CCSER2: variants seen among roughly 807,000 people sequenced by gnomAD.
CCSER2 encodes the protein serine-rich coiled-coil domain-containing protein 2.
Under a neutral mutation model 92.3 loss-of-function variants are expected in CCSER2, and 46 were observed. The ratio of observed to expected loss-of-function variants is 0.50; its 90% CI spans 0.39 to 0.64. CCSER2 has a LOEUF of 0.64. CCSER2 is among the 30% of genes least tolerant of loss of function. The pLI is 0.00. For missense variants in CCSER2, 1,244 were observed against 1,238.9 expected, an observed-to-expected ratio of 1.00 and a Z score of -0.06; for synonymous variants, 433 against 431.4, an observed-to-expected ratio of 1.00 and a Z score of -0.04.
At chr10:84,502,959 T>C (rs1848843813) in intron 9 of CCSER2, among the ~76,000 whole-genome samples, 1 of 151,646 alleles carries the variant, frequency 6.6e-6, no homozygotes, top group Non-Finnish European at 1.5e-5. Flanking sequence ...GCGCGGTGGC[T>C]CACGCCTGTA....
intron 5 of CCSER2, 72 bp downstream of exon 5, chr10:84,425,965 AC>A (rs1843414133): frequency 3.4e-6 from 4 of 1,175,396 alleles, no homozygotes; most frequent in Non-Finnish European, 4.5e-6. Context: ...CTTTCCCAGA[AC>A]CCTCAAAAAA....
rs1846036360 is a variant in CCSER2, at chr10:84,371,079, A to G, written c.27A>G (p.Thr9=). The G allele has an allele frequency of 3.8e-6, 6 of 1,595,902 alleles. No individual in the cohort carries two copies. The highest frequency in any genetic ancestry group is 1.7e-4 in the Middle Eastern group (1 of 5,934). ...TGGAAGAAAAAACACAAATCAAGAC[A>G]TTTTTGGGTTCCAAGTTGCCAAAGT... MEEKTQIK[T]FLGSKLPKYG... is the part of the protein sequence containing the mutation. The change falls in exon 2 of 10, where the codon ACA becomes ACG. Residue 9 remains threonine, a synonymous_variant. Transcript: ENST00000372088.
chr10:84,414,476 C>T (rs1842798526), intron 3 of CCSER2, among the ~76,000 whole-genome samples: 1 of 152,142 alleles, frequency 6.6e-6, no homozygotes, highest in African/African-American at 2.4e-5. Context: ...AATATTGGCC[C>T]CCAACTTCTT....
At chr10:84,468,316 A>G (rs78397002) in intron 7 of CCSER2, among the ~76,000 whole-genome samples, 3 of 152,294 alleles carry the variant, frequency 2.0e-5, no homozygotes, top group East Asian at 1.9e-4. Context: ...TTCTTTGCCT[A>G]TCTTTATATA....
At chr10:84,491,707 C>T (rs996370989) in intron 9 of CCSER2, among the ~76,000 whole-genome samples, 1 of 152,174 alleles carries the variant, frequency 6.6e-6, no homozygotes, top group South Asian at 2.1e-4. Flanking sequence ...GGATGCCTCG[C>T]CCTGCTTCCA....
rs1462191655 is a variant in CCSER2, at chr10:84,372,237, T to C, written c.1185T>C (p.Asp395=). 6.2e-7 allele frequency: 1 copy of C among 1,613,228 alleles called. No individual in the cohort carries two copies. Among genetic ancestry groups the C allele is most frequent in the African/African-American group, 1.3e-5 (1 of 74,906 alleles). The change falls in exon 2 of 10, where the codon GAT becomes GAC. Residue 395 remains aspartate, a synonymous_variant. Coordinates refer to ENST00000372088, the MANE Select transcript of CCSER2 (RefSeq NM_001284240.2). The part of the protein sequence containing the change: ...AKMRYLSDDV[D]DISLSSLSSS... The stretch of plus-strand genomic sequence containing the variant: ...TGAGATACCTGAGTGATGATGTGGA[T>C]GACATTTCCTTGTCGTCTTTGTCAT...
intron 6 of CCSER2, chr10:84,456,075 A>G (rs977780365): frequency 2.4e-6 from 1 of 411,974 alleles, no homozygotes; most frequent in Non-Finnish European, 4.8e-6. Context: ...GGGTCAGGCC[A>G]AAGACCCGAG....
chr10:84,364,709 A>C (rs1845685278), intron 1 of CCSER2, among the ~76,000 whole-genome samples: 1 of 152,038 alleles, frequency 6.6e-6, no homozygotes, highest in African/African-American at 2.4e-5. Flanking sequence ...TACAGTTTTA[A>C]AAAAAGGCAT....
At chr10:84,457,661 T>TA (rs1845846774) in intron 6 of CCSER2, among the ~76,000 whole-genome samples, 6 of 114,492 alleles carry the variant, frequency 5.2e-5, no homozygotes, top group Admixed American at 4.0e-4. Flanking sequence ...TTATATTATT[T>TA]TTAATTTTAG....
At position 84,352,282 on chromosome 10, in the gene CCSER2, G is replaced by A. The variant is rs191471141; in HGVS notation, c.-39-18732G>A. Among the ~76,000 whole-genome samples, 701 of 151,666 alleles carry A rather than the reference G, an allele frequency of 4.6e-3. 3 individuals are homozygous for A. The highest frequency in any genetic ancestry group is 0.016 in the African/African-American group (671 of 41,408). On this transcript the variant is annotated intron_variant, in intron 1 of 9. Coordinates refer to ENST00000372088, the MANE Select transcript of CCSER2 (RefSeq NM_001284240.2). The stretch of plus-strand genomic sequence containing the variant: ...TTGCGTCACTGCACTCCAGCCTGGC[G>A]ACAGAGGAAGACTCTGTCTCAAAAA...
intron 9 of CCSER2, among the ~76,000 whole-genome samples, chr10:84,499,597 A>G (rs1848617080): frequency 6.6e-6 from 1 of 152,184 alleles, no homozygotes; most frequent in Non-Finnish European, 1.5e-5. Context: ...ATGATGATAA[A>G]TGTAATGTAT....
chr10:84,418,101 T>A (rs566801787), intron 4 of CCSER2, among the ~76,000 whole-genome samples: 48 of 152,344 alleles, frequency 3.2e-4, no homozygotes, highest in African/African-American at 1.2e-3. Context: ...ATAAAGTAAG[T>A]TGCAGATAAG....
intron 5 of CCSER2, among the ~76,000 whole-genome samples, chr10:84,429,148 T>A (rs1843619890): frequency 6.6e-6 from 1 of 152,108 alleles, no homozygotes; most frequent in African/African-American, 2.4e-5. Flanking sequence ...GGGAAGAGTT[T>A]GTGAAGGATT....
chr10:84,502,670 C>T (rs894214269), intron 9 of CCSER2, among the ~76,000 whole-genome samples: 1 of 152,038 alleles, frequency 6.6e-6, no homozygotes, highest in African/African-American at 2.4e-5. Context: ...CACGCTCGGC[C>T]TCTTTGATGA....
intron 3 of CCSER2, among the ~76,000 whole-genome samples, chr10:84,383,847 G>T (rs1841048022): frequency 6.6e-6 from 1 of 152,116 alleles, no homozygotes. Context: ...TCAATGAAAT[G>T]AAAACTTGGT....
At chr10:84,358,649 T>TATATAC (rs1491299558) in intron 1 of CCSER2, among the ~76,000 whole-genome samples, 2 of 147,066 alleles carry the variant, frequency 1.4e-5, no homozygotes, top group African/African-American at 5.0e-5. Flanking sequence ...TATATATGTG[T>TATATAC]ATATATATAT....
chr10:84,382,749 T>C (rs538650921), intron 3 of CCSER2, among the ~76,000 whole-genome samples: 2 of 152,350 alleles, frequency 1.3e-5, no homozygotes, highest in South Asian at 4.1e-4. Context: ...AGATCATCAC[T>C]GAAAGTATCT....
At chr10:84,346,758 TTTTA>T (rs141463064) in intron 1 of CCSER2, among the ~76,000 whole-genome samples, 30,728 of 144,704 alleles carry the variant, frequency 0.21, 3,416 homozygotes, top group Admixed American at 0.35. Flanking sequence ...ATTTCTTTTT[TTTTA>T]TATATATATA....
intron 1 of CCSER2, among the ~76,000 whole-genome samples, chr10:84,331,699 C>G (rs1843570291): frequency 6.6e-6 from 1 of 152,108 alleles, no homozygotes; most frequent in South Asian, 2.1e-4. Context: ...TGGGCCTGAC[C>G]AATTCCAAAA....
Sources: gnomAD v4.1 joint callset for allele counts (sites outside exome capture counted in the v4.1 genomes callset) on GRCh38, gnomAD v4.1.1 for gene constraint, MANE v1.5 for transcripts, NCBI Gene and HGNC (gene_info 2026-07-23, HGNC 2026-07-21) for gene names.